Variants in CHSY3 observed in about 807,000 individuals in gnomAD.
The protein encoded by CHSY3 is N-acetylgalactosaminyl-proteoglycan 3-beta-glucuronosyltransferase 3.
Under a neutral mutation model 67.2 loss-of-function variants are expected in CHSY3, and 35 were observed. The observed-to-expected ratio is 0.52, with a 90% CI of 0.40 to 0.69. The LOEUF is 0.69. Among genes scored for constraint, CHSY3 ranks in the 30% least tolerant of loss-of-function variants. The pLI, the probability that CHSY3 is intolerant of heterozygous loss-of-function variation, is 0.00. For synonymous variants in CHSY3, 474 were observed against 434.7 expected (o/e 1.09, Z -1.12); for missense variants, 1,069 against 1,138.5 (o/e 0.94, Z 0.88).
rs568645304 is a variant in CHSY3 at position 130,028,031 on chromosome 5, C to T, written c.1086+119671C>T. ...CAAATGGTATTTCTAGTTCTAGATC[C>T]TTGAGGAATCACCACACTGTCTTCC... On this transcript the variant is annotated intron_variant, in intron 2 of 2. Transcript: ENST00000305031. Among the ~76,000 whole-genome samples, 153 of 152,180 alleles carry T rather than the reference C, an allele frequency of 1.0e-3. 1 individual carries two copies. Among genetic ancestry groups the T allele is most frequent in the Non-Finnish European group, 1.9e-3 (126 of 68,002 alleles).
At chr5:129,945,622 A>T (rs1761829804) in intron 2 of CHSY3, among the ~76,000 whole-genome samples, 1 of 152,118 alleles carries the variant, frequency 6.6e-6, no homozygotes, top group African/African-American at 2.4e-5. Context: ...GGGAAAGAAG[A>T]GAGAGGGGAA....
At chr5:129,985,822 T>C (rs558586580) in intron 2 of CHSY3, among the ~76,000 whole-genome samples, 2 of 152,268 alleles carry the variant, frequency 1.3e-5, no homozygotes, top group African/African-American at 4.8e-5. Context: ...GTCTCTCAGC[T>C]TGGACATTAT....
chr5:129,984,125 T>C (rs1763101779), intron 2 of CHSY3, among the ~76,000 whole-genome samples: 1 of 152,104 alleles, frequency 6.6e-6, no homozygotes, highest in African/African-American at 2.4e-5. Context: ...AATAATTTCA[T>C]TACCCAGGTA....
At chr5:130,056,288 C>T (rs1430262432) in intron 2 of CHSY3, among the ~76,000 whole-genome samples, 1 of 151,354 alleles carries the variant, frequency 6.6e-6, no homozygotes, top group East Asian at 1.9e-4. Context: ...AAAAACTGGG[C>T]AGTTAATCTG....
intron 2 of CHSY3, among the ~76,000 whole-genome samples, chr5:129,949,367 A>G (rs1379927987): frequency 6.6e-6 from 1 of 152,196 alleles, no homozygotes; most frequent in Non-Finnish European, 1.5e-5. Flanking sequence ...ATAAATTTCT[A>G]AAGACATACA....
chr5:130,047,152 G>T (rs1038544833), intron 2 of CHSY3, among the ~76,000 whole-genome samples: 4 of 151,664 alleles, frequency 2.6e-5, no homozygotes, highest in African/African-American at 9.7e-5. Flanking sequence ...TTGATAACTT[G>T]CAATATTTGA....
At chr5:130,113,618 T>TGATTCCTTTGTCTATTACAA (rs1266638499) in intron 2 of CHSY3, among the ~76,000 whole-genome samples, 5 of 152,192 alleles carry the variant, frequency 3.3e-5, no homozygotes, top group African/African-American at 1.2e-4. Flanking sequence ...TCCTATTGCA[T>TGATTCCTTTGTCTATTACAA]GATTCCTTTG....
chr5:129,962,364 T>C (rs1331624984), intron 2 of CHSY3, among the ~76,000 whole-genome samples: 1 of 151,878 alleles, frequency 6.6e-6, no homozygotes, highest in Non-Finnish European at 1.5e-5. Flanking sequence ...CTCCTAAATA[T>C]CTCCTTTAAA....
Position 129,993,753 on chromosome 5 carries a change from A to G in CHSY3, c.1086+85393A>G, listed in dbSNP as rs1225594283. On this transcript the variant is annotated intron_variant, in intron 2 of 2. Transcript: ENST00000305031. ...TATGTGTGAATTTGATCCTGTCATT[A>G]TGATGTTAGCTGGTTATTTTGCTCG... 5.9e-5 allele frequency among the ~76,000 whole-genome samples: 9 copies of G among 152,094 alleles called. No homozygotes were observed. In the East Asian group the frequency reaches 1.7e-3, roughly 29 times the overall value.
chr5:130,101,748 A>C (rs1266786587), intron 2 of CHSY3, among the ~76,000 whole-genome samples: 1 of 152,126 alleles, frequency 6.6e-6, no homozygotes, highest in Non-Finnish European at 1.5e-5. Flanking sequence ...GTATGTCATG[A>C]TATCATAAAA....
chr5:130,176,789 A>G (rs1156780922), intron 2 of CHSY3, among the ~76,000 whole-genome samples: 2 of 152,158 alleles, frequency 1.3e-5, no homozygotes, highest in South Asian at 4.1e-4. Flanking sequence ...GGAGTTGAAC[A>G]ATGAGAACAC....
At chr5:130,077,793 A>ATG (rs1311540846) in intron 2 of CHSY3, among the ~76,000 whole-genome samples, 1 of 151,824 alleles carries the variant, frequency 6.6e-6, no homozygotes, top group African/African-American at 2.4e-5. Context: ...TGACATATAT[A>ATG]TGTGTGTATA....
chr5:129,982,419 T>C (rs1027850879), intron 2 of CHSY3, among the ~76,000 whole-genome samples: 2 of 152,086 alleles, frequency 1.3e-5, no homozygotes, highest in African/African-American at 4.8e-5. Context: ...ATCTATTCCA[T>C]GTAAATTTGA....
chr5:130,088,317 T>C (rs906537539), intron 2 of CHSY3, among the ~76,000 whole-genome samples: 1 of 149,756 alleles, frequency 6.7e-6, no homozygotes, highest in Non-Finnish European at 1.5e-5. Flanking sequence ...GGCAAGGACT[T>C]CATGTCTAAA....
At chr5:130,182,183 G>GT (rs897293675) in intron 2 of CHSY3, among the ~76,000 whole-genome samples, 7 of 151,878 alleles carry the variant, frequency 4.6e-5, no homozygotes, top group African/African-American at 1.2e-4. Flanking sequence ...TTATCTATCT[G>GT]TTTTTTTGTG....
intron 2 of CHSY3, among the ~76,000 whole-genome samples, chr5:130,172,164 A>G (rs1769910914): frequency 6.6e-6 from 1 of 152,178 alleles, no homozygotes; most frequent in Non-Finnish European, 1.5e-5. Flanking sequence ...CTTGCCCATG[A>G]ATAAAGCTAA....
chr5:130,021,299 A>C (rs1407191327), intron 2 of CHSY3, among the ~76,000 whole-genome samples: 1 of 152,126 alleles, frequency 6.6e-6, no homozygotes, highest in African/African-American at 2.4e-5. Context: ...TACTGCCCTT[A>C]CTACCACCAC....
At chr5:129,915,394 A>G (rs959508313) in intron 2 of CHSY3, among the ~76,000 whole-genome samples, 1 of 152,206 alleles carries the variant, frequency 6.6e-6, no homozygotes, top group African/African-American at 2.4e-5. Flanking sequence ...AATCGGTTTG[A>G]GTCGTGATCT....
chr5:130,126,624 A>G (rs1282707403), intron 2 of CHSY3, among the ~76,000 whole-genome samples: 3 of 152,212 alleles, frequency 2.0e-5, no homozygotes, highest in Non-Finnish European at 4.4e-5. Context: ...CAGTCTATAA[A>G]CTGAAAAATG....
Sources: allele counts gnomAD v4.1 joint callset (sites outside exome capture counted in the v4.1 genomes callset), GRCh38; gene constraint gnomAD v4.1.1; transcripts MANE v1.5; gene names NCBI Gene and HGNC (gene_info 2026-07-23, HGNC 2026-07-21).